Variants in HSPA4 observed in about 807,000 individuals in gnomAD.
HSPA4 encodes the protein heat shock 70 kDa protein 4.
In HSPA4, 25 loss-of-function variants were observed where a neutral mutation model predicts 106.2. That is an observed-to-expected ratio of 0.24 (90% CI 0.17 to 0.33). HSPA4 has a LOEUF of 0.33. Ranked by LOEUF, HSPA4 falls within the 10% of genes least tolerant of loss-of-function variation. The probability of loss-of-function intolerance (pLI) is 1.00; values close to 1 mark genes in which losing one functional copy is unlikely to be tolerated. For synonymous variants in HSPA4, 332 were observed against 333.6 expected, an observed-to-expected ratio of 1.00 and a Z score of 0.05; for missense variants, 841 against 996.0, an observed-to-expected ratio of 0.84 and a Z score of 2.10.
chr5:133,098,324 A>G (rs1765740029), intron 15 of HSPA4, among the ~76,000 whole-genome samples: 1 of 151,482 alleles, frequency 6.6e-6, no homozygotes, highest in Non-Finnish European at 1.5e-5. Context: ...TTATTTATTT[A>G]TTTTTGAGAC....
chr5:133,097,289 A>G lies in HSPA4; in HGVS notation c.1929+3A>G, dbSNP rs1391131598. ...ATGAGAAGTTTGTGAGTGAAGATGTAAGTCTGCCACAATATGCCTAACTAC... is the reference window on the plus strand; with the variant it reads ...ATGAGAAGTTTGTGAGTGAAGATGTGAGTCTGCCACAATATGCCTAACTAC... On this transcript the variant is annotated splice_donor_region_variant and intron_variant, in intron 15 of 18. Coordinates refer to ENST00000304858, the MANE Select transcript of HSPA4 (RefSeq NM_002154.4). 5.6e-6 allele frequency: 9 copies of G among 1,611,720 alleles called. No individual in the cohort carries two copies. Among genetic ancestry groups the G allele is most frequent in the Non-Finnish European group, 7.6e-6 (9 of 1,178,408 alleles).
In HSPA4 at chr5:133,099,537, A is replaced by T. The variant is rs1055935185; in HGVS notation, c.1930-8A>T. ...TTGACCTAATTATAATATTTTCTTT[A>T]TCATTAGGATCGTAACAGTTTTACT... On this transcript the variant is annotated splice_region_variant and splice_polypyrimidine_tract_variant and intron_variant, in intron 15 of 18. Transcript: ENST00000304858. 14 of 1,437,584 alleles carry T rather than the reference A, an allele frequency of 9.7e-6. No homozygotes were observed. Among genetic ancestry groups the T allele is most frequent in the Non-Finnish European group, 1.3e-5 (13 of 1,022,872 alleles). The allele number at this position is 1,437,584 out of a possible 1,614,324, so 89.1% of individuals were successfully genotyped here. A position where few individuals can be genotyped will look rare whatever the true frequency, so the allele number is the denominator to read the frequency against.
In HSPA4 at chr5:133,105,728, CTG is replaced by C. The variant is rs1169377134; in HGVS notation, c.*1294_*1295del. On this transcript the variant is annotated 3_prime_UTR_variant, in exon 19 of 19. Coordinates refer to ENST00000304858, the MANE Select transcript of HSPA4 (RefSeq NM_002154.4). ...ATATTCTGTATAACAGAGTGCCTCTCTGTTACTTTTGGCCTATGTTGTTAGAA... is the reference window on the plus strand; with the variant it reads ...ATATTCTGTATAACAGAGTGCCTCTCTTACTTTTGGCCTATGTTGTTAGAA... 1 of 152,174 alleles carries C rather than the reference CTG, an allele frequency of 6.6e-6. No homozygotes were observed. Among genetic ancestry groups the C allele is most frequent in the Non-Finnish European group, 1.5e-5 (1 of 68,040 alleles). The allele number at this position is 152,174 out of a possible 1,614,324, so 9.4% of individuals were successfully genotyped here.
intron 16 of HSPA4, among the ~76,000 whole-genome samples, chr5:133,100,402 C>CTT (rs879319527): frequency 8.8e-5 from 12 of 135,944 alleles, no homozygotes; most frequent in African/African-American, 2.4e-4. Flanking sequence ...AGCATCTGAT[C>CTT]TTTTTTTTTT....
chr5:133,073,942 A>G (rs1765416132), intron 5 of HSPA4, 51 bp from the exon 6 acceptor site: 2 of 1,347,108 alleles, frequency 1.5e-6, no homozygotes, highest in Non-Finnish European at 2.0e-6. Context: ...GCTTAAATGA[A>G]TTTTATTTAC....
chr5:133,060,431 C>T (rs916731110), intron 1 of HSPA4, among the ~76,000 whole-genome samples: 4 of 151,858 alleles, frequency 2.6e-5, no homozygotes, highest in Non-Finnish European at 4.4e-5. Flanking sequence ...GGTGCAATCT[C>T]GGCTCACTAC....
At chr5:133,092,314 A>G (rs1765656785) in intron 12 of HSPA4, among the ~76,000 whole-genome samples, 1 of 152,212 alleles carries the variant, frequency 6.6e-6, no homozygotes, top group Non-Finnish European at 1.5e-5. Flanking sequence ...ACTATTTGAA[A>G]AAGTTGGAAC....
In HSPA4 at chr5:133,104,812, A is replaced by T. The variant is rs1017369556; in HGVS notation, c.*376A>T. The T allele has an allele frequency of 2.9e-5, 6 of 209,408 alleles. No individual in the cohort carries two copies. The highest frequency in any genetic ancestry group is 5.8e-5 in the Non-Finnish European group (6 of 102,782). The allele number at this position is 209,408 out of a possible 1,614,324, so 13.0% of individuals were successfully genotyped here. On this transcript the variant is annotated 3_prime_UTR_variant, in exon 19 of 19. Transcript: ENST00000304858. ...GACTTACATGGCAGGAGCTCTAATTATGCTTTAAAAATCTGTTGTGGAGAT... is the reference window on the plus strand; with the variant it reads ...GACTTACATGGCAGGAGCTCTAATTTTGCTTTAAAAATCTGTTGTGGAGAT...
chr5:133,083,305 C>T (rs1335510155), intron 7 of HSPA4, among the ~76,000 whole-genome samples: 1 of 152,016 alleles, frequency 6.6e-6, no homozygotes. Flanking sequence ...GAATGAGACT[C>T]CATCTCAAAA....
At chr5:133,055,849 A>C (rs1467453355) in intron 1 of HSPA4, among the ~76,000 whole-genome samples, 1 of 152,118 alleles carries the variant, frequency 6.6e-6, no homozygotes, top group South Asian at 2.1e-4. Flanking sequence ...AGGCTGAGGT[A>C]GGAGGATCGC....
chr5:133,072,714 G>A (rs1335584001), intron 4 of HSPA4, among the ~76,000 whole-genome samples: 2 of 151,862 alleles, frequency 1.3e-5, no homozygotes, highest in African/African-American at 4.8e-5. Flanking sequence ...GCTAGTCCAT[G>A]GTTTTCATCA....
At position 133,064,991 on chromosome 5, in the gene HSPA4, C is replaced by G; in HGVS notation, c.119C>G (p.Ser40Cys). 1 of 1,613,780 alleles carries G rather than the reference C, an allele frequency of 6.2e-7. No individual in the cohort carries two copies. ...YSDRCTPACISFGPKNRSIGA... is the reference protein window; with the variant it reads ...YSDRCTPACICFGPKNRSIGA... ...TTTTTGTCTTCTAGGGCTTGCATTT[C>G]TTTTGGTCCTAAGAATCGTTCAATT... The change falls in exon 2 of 19, where the codon TCT becomes TGT. Residue 40 changes from serine (S) to cysteine (C), a missense_variant. Ser to Cys is a moderately radical substitution (Grantham distance 112). This residue lies in a region of HSPA4 where 347 missense variants were observed against 408.7 expected (regional missense o/e 0.85). Transcript: ENST00000304858.
At chr5:133,055,307 ATTTTTTTTTT>A (rs397999293) in intron 1 of HSPA4, among the ~76,000 whole-genome samples, 126 of 60,104 alleles carry the variant, frequency 2.1e-3, no homozygotes, top group South Asian at 0.012. Flanking sequence ...AGGAAGGTTG[ATTTTTTTTTT>A]TTTTTTTTTT....
Position 133,104,476 on chromosome 5 carries a change from C to A in HSPA4, c.*40C>A. On this transcript the variant is annotated 3_prime_UTR_variant, in exon 19 of 19. Transcript: ENST00000304858. ...TCTATTAAAACAGACTATTATAAAG[C>A]TTTAAGTTGTCAACTTTGTTCTAAA... The A allele has an allele frequency of 6.5e-7, 1 of 1,550,272 alleles. No homozygotes were observed. The highest frequency in any genetic ancestry group is 1.1e-5 in the South Asian group (1 of 87,588).
chr5:133,068,981 A>G (rs1288596725), intron 3 of HSPA4, among the ~76,000 whole-genome samples: 1 of 152,198 alleles, frequency 6.6e-6, no homozygotes, highest in Non-Finnish European at 1.5e-5. Context: ...GCAATAAAGT[A>G]AGAACTGTTC....
At chr5:133,080,669 C>CAT (rs201021965) in intron 7 of HSPA4, among the ~76,000 whole-genome samples, 10 of 151,460 alleles carry the variant, frequency 6.6e-5, no homozygotes, top group Non-Finnish European at 8.8e-5. Flanking sequence ...GCCTATCTTA[C>CAT]ATATATATAT....
chr5:133,060,718 G>A (rs745363466), intron 1 of HSPA4, among the ~76,000 whole-genome samples: 4 of 149,600 alleles, frequency 2.7e-5, no homozygotes, highest in African/African-American at 4.9e-5. Flanking sequence ...TTCAGTTGTC[G>A]TTTTTTAATG....
chr5:133,073,371 T>TG (rs780411260), intron 5 of HSPA4, 42 bp downstream of exon 5: 1 of 1,329,474 alleles, frequency 7.5e-7, no homozygotes, highest in African/African-American at 1.5e-5. Context: ...TGGTTAATCT[T>TG]GAAGATTGTG....
chr5:133,096,925 C>T (rs915549097), intron 14 of HSPA4, among the ~76,000 whole-genome samples: 3 of 151,992 alleles, frequency 2.0e-5, no homozygotes, highest in Non-Finnish European at 2.9e-5. Flanking sequence ...TTTAATTTTG[C>T]TTTTGAGTGT....
Sources: allele counts gnomAD v4.1 joint callset (sites outside exome capture counted in the v4.1 genomes callset), GRCh38; gene constraint gnomAD v4.1.1; regional missense constraint gnomAD v4.1.1; transcripts MANE v1.5; gene names NCBI Gene and HGNC (gene_info 2026-07-23, HGNC 2026-07-21).